TSPAN32: variants seen among roughly 807,000 people sequenced by gnomAD.
The protein encoded by TSPAN32 is tetraspanin-32.
TSPAN32 carries 47 observed loss-of-function variants against 42.7 expected under a neutral mutation model. The ratio of observed to expected loss-of-function variants is 1.10; its 90% confidence interval spans 0.87 to 1.40. The LOEUF (loss-of-function observed/expected upper bound fraction) is 1.40. Among genes scored for constraint, TSPAN32 ranks in the 40% most tolerant of loss-of-function variants. The pLI, the probability that TSPAN32 is intolerant of heterozygous loss-of-function variation, is 0.00. For missense variants in TSPAN32, 469 were observed against 424.1 expected, an observed-to-expected ratio of 1.11 and a Z score of -0.93; for synonymous variants, 175 against 175.9, an observed-to-expected ratio of 0.99 and a Z score of 0.04.
chr11:2,309,286 G>C (rs1405529780), intron 4 of TSPAN32: 13 of 456,322 alleles, frequency 2.8e-5, no homozygotes, highest in South Asian at 1.6e-4. Flanking sequence ...CCCGCGGACT[G>C]GGGTGTCGCA....
chr11:2,309,404 C>T (rs151205868), intron 4 of TSPAN32: 7 of 465,688 alleles, frequency 1.5e-5, no homozygotes, highest in South Asian at 3.1e-5. Flanking sequence ...AGGGCGTCCC[C>T]GTGGAAAGGC....
At chr11:2,307,812 G>T (rs558318540) in intron 3 of TSPAN32, among the ~76,000 whole-genome samples, 1 of 152,142 alleles carries the variant, frequency 6.6e-6, no homozygotes, top group Non-Finnish European at 1.5e-5. Context: ...GTGGTTGGCC[G>T]GGCCATGGAG....
At chr11:2,314,012 T>A (rs977218216) in intron 5 of TSPAN32, among the ~76,000 whole-genome samples, 2 of 151,612 alleles carry the variant, frequency 1.3e-5, no homozygotes, top group Admixed American at 1.3e-4. Flanking sequence ...CACTGAAGGA[T>A]TTCAAGAGCA....
At position 2,317,836 on chromosome 11, in the gene TSPAN32, A is replaced by T; in HGVS notation, c.902-27A>T. The T allele has an allele frequency of 6.2e-7, 1 of 1,600,414 alleles. No homozygotes were observed. Among genetic ancestry groups the T allele is most frequent in the Non-Finnish European group, 8.6e-7 (1 of 1,168,710 alleles). On this transcript the variant is annotated intron_variant, in intron 9 of 9. Transcript: ENST00000182290. This position sits in a 1 kb window ranked among gnomAD's most constrained non-coding sequence, Gnocchi z 6.2. ...GAAGCAGCATGGATGTAAGGACTGC[A>T]AGCAGTGCCCATTTATGATCTCGCA...
intron 4 of TSPAN32, among the ~76,000 whole-genome samples, chr11:2,312,282 C>T (rs1202392676): frequency 6.6e-6 from 1 of 152,208 alleles, no homozygotes; most frequent in African/African-American, 2.4e-5. Flanking sequence ...CGCTGGGCCT[C>T]CAGTCCTCAC....
chr11:2,313,252 G>A lies in TSPAN32; in HGVS notation c.355-402G>A, dbSNP rs1177636181. On this transcript the variant is annotated intron_variant, in intron 4 of 9. Coordinates refer to ENST00000182290, the MANE Select transcript of TSPAN32 (RefSeq NM_139022.3). The surrounding 1 kb of genome is among the most constrained non-coding windows in gnomAD (Gnocchi z 9.1). ...CAAGCTTTCTGGGAGCTGAGGTCCTGGCACAGGGTCTCTCAAGCCTTTTCC... is the reference window on the plus strand; with the variant it reads ...CAAGCTTTCTGGGAGCTGAGGTCCTAGCACAGGGTCTCTCAAGCCTTTTCC... 6.6e-6 allele frequency among the ~76,000 whole-genome samples: 1 copy of A among 152,186 alleles called. No individual in the cohort carries two copies. Among genetic ancestry groups the A allele is most frequent in the African/African-American group, 2.4e-5 (1 of 41,440 alleles).
chr11:2,310,832 G>A (rs919572482), intron 4 of TSPAN32, among the ~76,000 whole-genome samples: 4 of 152,222 alleles, frequency 2.6e-5, no homozygotes, highest in African/African-American at 4.8e-5. Context: ...AGCTGTCCTG[G>A]GTGTGGATGG....
chr11:2,313,635 C>A lies in TSPAN32; in HGVS notation c.355-19C>A. On this transcript the variant is annotated intron_variant, in intron 4 of 9. Coordinates refer to ENST00000182290, the MANE Select transcript of TSPAN32 (RefSeq NM_139022.3). The surrounding 1 kb of genome is among the most constrained non-coding windows in gnomAD (Gnocchi z 9.1). Reference sequence around the variant, plus strand: ...ATCTCCCACCAGGGCCAGGACCTCCCTGTGGTCTCTCGGTGCAGGTGGAGG... The same window carrying A: ...ATCTCCCACCAGGGCCAGGACCTCCATGTGGTCTCTCGGTGCAGGTGGAGG... The A allele has an allele frequency of 6.3e-7, 1 of 1,586,346 alleles. No homozygotes were observed. The highest frequency in any genetic ancestry group is 1.1e-5 in the South Asian group (1 of 87,202).
rs1848786340 is a variant in TSPAN32, at chr11:2,316,281, C to G, written c.596C>G (p.Ser199Cys). ...SFLRTHQQVA[S>C]SLTSIGLALT... is the part of the protein sequence containing the mutation. ...CTGAGGACACACCAGCAGGTCGCCT[C>G]CAGCCTGACCAGCATCGGCCTGGCC... is the stretch of plus-strand genomic sequence containing the variant. The change falls in exon 7 of 10, where the codon TCC becomes TGC. Residue 199 changes from serine to cysteine, a missense_variant. By Grantham distance (112) the Ser-to-Cys change is moderately radical. Transcript: ENST00000182290. The G allele has an allele frequency of 6.9e-6, 11 of 1,603,180 alleles. No individual in the cohort carries two copies. The highest frequency in any genetic ancestry group is 9.4e-6 in the Non-Finnish European group (11 of 1,176,410).
At chr11:2,307,613 G>A (rs1167177857) in intron 3 of TSPAN32, among the ~76,000 whole-genome samples, 1 of 152,210 alleles carries the variant, frequency 6.6e-6, no homozygotes, top group African/African-American at 2.4e-5. Context: ...CTGTATCGGG[G>A]GCATCTGTAT....
Position 2,302,843 on chromosome 11 carries a change from G to A in TSPAN32, c.67-1G>A. ...ACACTCTGAGTCTGCCCTATCCACA[G>A]CTGCTGGGCCTCTCTGTGGCCACCA... is the stretch of plus-strand genomic sequence containing the variant. On this transcript the variant is annotated splice_acceptor_variant, in intron 1 of 9. Coordinates refer to ENST00000182290, the MANE Select transcript of TSPAN32 (RefSeq NM_139022.3). LOFTEE classifies it high-confidence loss of function. The A allele has an allele frequency of 6.2e-7, 1 of 1,613,142 alleles. No individual in the cohort carries two copies. Among genetic ancestry groups the A allele is most frequent in the African/African-American group, 1.3e-5 (1 of 75,006 alleles).
At chr11:2,315,754 C>G in intron 6 of TSPAN32, 1 of 1,247,546 alleles carries the variant, frequency 8.0e-7, no homozygotes. Context: ...CCTGGGGTGG[C>G]ACTGGAAGCC....
In TSPAN32 at chr11:2,304,290, C is replaced by T; in HGVS notation, c.279+86C>T. On this transcript the variant is annotated intron_variant, in intron 3 of 9. Transcript: ENST00000182290. The surrounding 1 kb of genome is among the most constrained non-coding windows in gnomAD (Gnocchi z 4.8). ...AGCTGGCAGGGCTGTGTGCCACCCC[C>T]ACACCTGAGTGACCAGGCAGAACCA... 2 of 995,210 alleles carry T rather than the reference C, an allele frequency of 2.0e-6. No individual in the cohort carries two copies. The highest frequency in any genetic ancestry group is 2.8e-5 in the Admixed American group (1 of 35,690). The allele number at this position is 995,210 out of a possible 1,614,324, so 61.6% of individuals were successfully genotyped here. A position where few individuals can be genotyped will look rare whatever the true frequency, so the allele number is the denominator to read the frequency against.
chr11:2,315,480 G>T (rs1475645705), intron 6 of TSPAN32: 16 of 1,134,190 alleles, frequency 1.4e-5, no homozygotes, highest in Non-Finnish European at 1.7e-5. Context: ...GGCCTGCCTC[G>T]AGCACCCTTG....
intron 4 of TSPAN32, among the ~76,000 whole-genome samples, chr11:2,310,479 A>G (rs141926007): frequency 6.6e-6 from 1 of 151,994 alleles, no homozygotes; most frequent in African/African-American, 2.4e-5. Context: ...GCCTTGCCTG[A>G]CCCCAGGCAG....
intron 6 of TSPAN32, chr11:2,315,183 C>T (rs1848710029): frequency 2.1e-6 from 2 of 960,660 alleles, no homozygotes; most frequent in Non-Finnish European, 2.6e-6. Flanking sequence ...CCTGCCCCCT[C>T]CCTGCTCCCC....
At chr11:2,305,584 A>G (rs1848034945) in intron 3 of TSPAN32, among the ~76,000 whole-genome samples, 1 of 152,226 alleles carries the variant, frequency 6.6e-6, no homozygotes, top group Non-Finnish European at 1.5e-5. Context: ...CTCCTGTCCC[A>G]GTCACCAGCC....
At chr11:2,305,669 C>T (rs1320808427) in intron 3 of TSPAN32, among the ~76,000 whole-genome samples, 1 of 152,216 alleles carries the variant, frequency 6.6e-6, no homozygotes, top group African/African-American at 2.4e-5. Context: ...TCAGGGAGCA[C>T]CTGGGCTCAG....
At chr11:2,315,900 G>A in intron 6 of TSPAN32, 1 of 1,463,760 alleles carries the variant, frequency 6.8e-7, no homozygotes, top group Non-Finnish European at 9.2e-7. Context: ...TGGATGCTGG[G>A]AACCCAGAGT....
Sources: allele counts gnomAD v4.1 joint callset (sites outside exome capture counted in the v4.1 genomes callset), GRCh38; gene constraint gnomAD v4.1.1; non-coding constraint Gnocchi (gnomAD v3.1); transcripts MANE v1.5; gene names NCBI Gene and HGNC (gene_info 2026-07-23, HGNC 2026-07-21).